SORCS2: variants seen among roughly 807,000 people sequenced by gnomAD.
The protein encoded by SORCS2 is VPS10 domain-containing receptor SorCS2.
In SORCS2, 100 loss-of-function variants were observed where a neutral mutation model predicts 141.6. That is an observed-to-expected ratio of 0.71 (90% confidence interval 0.60 to 0.83). SORCS2 has a LOEUF of 0.83. Among genes scored for constraint, SORCS2 ranks in the 40% least tolerant of loss-of-function variants. SORCS2 has a pLI of 0.00. For missense variants in SORCS2, 1,646 were observed against 1,560.2 expected, an observed-to-expected ratio of 1.05 and a Z score of -0.93; for synonymous variants, 789 against 676.9, an observed-to-expected ratio of 1.17 and a Z score of -2.57.
At chr4:7,549,204 G>A (rs73214645) in intron 3 of SORCS2, among the ~76,000 whole-genome samples, 1 of 152,010 alleles carries the variant, frequency 6.6e-6, no homozygotes, top group Admixed American at 6.6e-5. Context: ...ATCTCTACTG[G>A]TTTTTTATTA....
chr4:7,333,697 C>T (rs1254839252), intron 1 of SORCS2, among the ~76,000 whole-genome samples: 1 of 152,208 alleles, frequency 6.6e-6, no homozygotes, highest in Non-Finnish European at 1.5e-5. Flanking sequence ...GCCCAGGTCT[C>T]CCCACAGGTT....
At chr4:7,642,601 G>A (rs780822693) in intron 4 of SORCS2, among the ~76,000 whole-genome samples, 4 of 152,188 alleles carry the variant, frequency 2.6e-5, no homozygotes, top group Non-Finnish European at 5.9e-5. Context: ...GTGGAACAAC[G>A]TCAGCTTTGA....
intron 2 of SORCS2, among the ~76,000 whole-genome samples, chr4:7,476,823 A>G (rs1431965306): frequency 6.6e-6 from 1 of 152,136 alleles, no homozygotes; most frequent in Non-Finnish European, 1.5e-5. Flanking sequence ...TTGACATCCT[A>G]TCCCACCAGC....
intron 1 of SORCS2, among the ~76,000 whole-genome samples, chr4:7,376,491 C>A (rs576621022): frequency 6.6e-6 from 1 of 152,152 alleles, no homozygotes; most frequent in African/African-American, 2.4e-5. Context: ...GCAGGAGAAT[C>A]GCTTGAACCC....
chr4:7,265,609 T>C (rs948706392), intron 1 of SORCS2, among the ~76,000 whole-genome samples: 1 of 152,198 alleles, frequency 6.6e-6, no homozygotes, highest in African/African-American at 2.4e-5. Context: ...AGTGGCATCA[T>C]CCCAGTCTGT....
intron 1 of SORCS2, among the ~76,000 whole-genome samples, chr4:7,341,011 C>A (rs1198365891): frequency 1.3e-5 from 2 of 152,198 alleles, no homozygotes; most frequent in Non-Finnish European, 2.9e-5. Context: ...CTGCAGGCCA[C>A]AGCATGAGCA....
intron 2 of SORCS2, among the ~76,000 whole-genome samples, chr4:7,527,254 C>G (rs558887884): frequency 7.2e-5 from 11 of 152,382 alleles, no homozygotes; most frequent in Middle Eastern, 3.4e-3. Flanking sequence ...CGTCCACGTC[C>G]TAATCCCCGG....
chr4:7,308,434 G>A (rs921839670), intron 1 of SORCS2, among the ~76,000 whole-genome samples: 25 of 152,130 alleles, frequency 1.6e-4, no homozygotes, highest in African/African-American at 4.3e-4. Context: ...GATGGGCTCC[G>A]TATTTGGGGT....
intron 3 of SORCS2, among the ~76,000 whole-genome samples, chr4:7,620,206 A>G (rs371189444): frequency 7.9e-5 from 12 of 152,176 alleles, no homozygotes; most frequent in African/African-American, 2.9e-4. Context: ...CTAATCAGCC[A>G]TCCCTCCCAC....
intron 2 of SORCS2, among the ~76,000 whole-genome samples, chr4:7,527,244 C>A (rs768615881): frequency 6.6e-6 from 1 of 152,258 alleles, no homozygotes; most frequent in Non-Finnish European, 1.5e-5. Flanking sequence ...CTCCCACAGA[C>A]GTCCACGTCC....
intron 2 of SORCS2, among the ~76,000 whole-genome samples, chr4:7,477,118 C>T (rs546515184): frequency 2.0e-5 from 3 of 152,336 alleles, no homozygotes; most frequent in South Asian, 4.1e-4. Context: ...CCACCTGGGC[C>T]GTGGGGAGGG....
intron 24 of SORCS2, among the ~76,000 whole-genome samples, 152 bp downstream of exon 24, chr4:7,733,573 G>A (rs1414050952): frequency 2.0e-5 from 3 of 152,216 alleles, no homozygotes; most frequent in African/African-American, 4.8e-5. Context: ...ACCCAGGTCA[G>A]ACGCAGGACC....
intron 1 of SORCS2, among the ~76,000 whole-genome samples, chr4:7,361,308 G>A (rs1198273777): frequency 1.3e-5 from 2 of 152,186 alleles, no homozygotes; most frequent in Non-Finnish European, 1.5e-5. Flanking sequence ...TGTCCCTGAC[G>A]CTGCTTCCCC....
chr4:7,560,014 G>T (rs1006402266), intron 3 of SORCS2, among the ~76,000 whole-genome samples: 1 of 152,180 alleles, frequency 6.6e-6, no homozygotes, highest in Non-Finnish European at 1.5e-5. Context: ...GTGGCCACCC[G>T]CTGAATTAAA....
chr4:7,364,940 C>G (rs1220038637), intron 1 of SORCS2, among the ~76,000 whole-genome samples: 1 of 152,224 alleles, frequency 6.6e-6, no homozygotes, highest in African/African-American at 2.4e-5. Flanking sequence ...TGCCACATCC[C>G]AGCTGGGAGC....
chr4:7,395,800 A>G (rs908620066), intron 1 of SORCS2, among the ~76,000 whole-genome samples: 1 of 152,178 alleles, frequency 6.6e-6, no homozygotes, highest in Non-Finnish European at 1.5e-5. Flanking sequence ...AAGTAATGAC[A>G]GACGGACCAC....
intron 2 of SORCS2, among the ~76,000 whole-genome samples, chr4:7,404,778 C>A (rs79853541): frequency 0.028 from 4,226 of 152,200 alleles, 185 homozygotes; most frequent in Admixed American, 0.13. Flanking sequence ...GAATAGTTTG[C>A]AAATATTTTC....
intron 3 of SORCS2, among the ~76,000 whole-genome samples, chr4:7,556,925 AC>A (rs1333990779): frequency 3.1e-5 from 1 of 32,074 alleles, no homozygotes; most frequent in Non-Finnish European, 6.4e-5. Context: ...CCACCCACCC[AC>A]CCACCCATCC....
chr4:7,644,532 G>A (rs1224970627), intron 4 of SORCS2, among the ~76,000 whole-genome samples: 1 of 152,250 alleles, frequency 6.6e-6, no homozygotes, highest in Non-Finnish European at 1.5e-5. Flanking sequence ...GAGTCCAAGT[G>A]ATGCTGGGCT....
Sources: gnomAD v4.1 joint callset for allele counts (sites outside exome capture counted in the v4.1 genomes callset) on GRCh38, gnomAD v4.1.1 for gene constraint, MANE v1.5 for transcripts, NCBI Gene and HGNC (gene_info 2026-07-23, HGNC 2026-07-21) for gene names.